CEP162: variants seen among roughly 807,000 people sequenced by gnomAD.
The protein encoded by CEP162 is centrosomal protein 162.
In CEP162, 141 loss-of-function variants were observed where a neutral mutation model predicts 169.2. That is an observed-to-expected ratio of 0.83 (90% CI 0.73 to 0.96). The LOEUF (loss-of-function observed/expected upper bound fraction) is 0.96, where lower values mean the gene tolerates loss of function less well. CEP162 is among the 40% of genes least tolerant of loss of function. The pLI is 0.00. For synonymous variants in CEP162, 540 were observed against 526.4 expected (o/e 1.03, Z -0.35); for missense variants, 1,600 against 1,587.2 (o/e 1.01, Z -0.14).
chr6:84,174,926 T>G lies in CEP162; in HGVS notation c.1826A>C (p.Lys609Thr). 1 of 1,607,640 alleles carries G rather than the reference T, an allele frequency of 6.2e-7. No homozygotes were observed. Among genetic ancestry groups the G allele is most frequent in the Non-Finnish European group, 8.5e-7 (1 of 1,176,890 alleles). Residue 609 changes from lysine to threonine, a missense_variant, in exon 15 of 27, where the codon AAG (lysine) becomes ACG (threonine). By Grantham distance (78) the Lys-to-Thr change is moderately conservative. Transcript: ENST00000403245. ...TDSLGYCGEN[K>T]EKKLLMFKRV... ...TTTAAACATAAGTAATTTCTTCTCCTTGTTCTCACCACAGTATCCTAAGGA... is the reference window on the plus strand; with the variant it reads ...TTTAAACATAAGTAATTTCTTCTCCGTGTTCTCACCACAGTATCCTAAGGA...
intron 6 of CEP162, among the ~76,000 whole-genome samples, chr6:84,207,442 T>TCA (rs1278342728): frequency 6.6e-6 from 1 of 152,044 alleles, no homozygotes; most frequent in Admixed American, 6.6e-5. Context: ...CTAGAAACCA[T>TCA]CATTCTGAGC....
intron 3 of CEP162, chr6:84,217,798 C>T (rs1295146905): frequency 2.0e-5 from 3 of 152,098 alleles, no homozygotes; most frequent in Admixed American, 2.0e-4. Context: ...TGGAGACTCA[C>T]AGTGAAACAG....
chr6:84,202,958 G>A (rs558312770), intron 7 of CEP162, among the ~76,000 whole-genome samples: 1 of 152,208 alleles, frequency 6.6e-6, no homozygotes, highest in African/African-American at 2.4e-5. Flanking sequence ...CCTGAAAAGT[G>A]TTTCTTTTGA....
chr6:84,163,245 T>C lies in CEP162; in HGVS notation c.2411A>G (p.Asp804Gly), dbSNP rs1487941981. 1 of 1,609,554 alleles carries C rather than the reference T, an allele frequency of 6.2e-7. No individual in the cohort carries two copies. Among genetic ancestry groups the C allele is most frequent in the South Asian group, 1.1e-5 (1 of 90,794 alleles). The change falls in exon 19 of 27, where the codon GAC becomes GGC. Residue 804 changes from aspartate to glycine, a missense_variant. By Grantham distance (94) the Asp-to-Gly change is moderately conservative (BLOSUM62 -1). Transcript: ENST00000403245. The part of the protein sequence containing the change: ...AQKEKDSLLE[D>G]IKRLKQDKQA... ...TTTGTCTTGTTTCAGTCTTTTGATGTCTTCCAATAAACTGTCTTTTTCTTT... is the reference window on the plus strand; with the variant it reads ...TTTGTCTTGTTTCAGTCTTTTGATGCCTTCCAATAAACTGTCTTTTTCTTT...
intron 16 of CEP162, among the ~76,000 whole-genome samples, chr6:84,173,294 A>C (rs914152279): frequency 2.0e-5 from 3 of 152,300 alleles, no homozygotes; most frequent in Non-Finnish European, 4.4e-5. Flanking sequence ...AAAAGTAAGT[A>C]AAAAATGTCC....
At chr6:84,180,997 T>G (rs573642918) in intron 13 of CEP162, among the ~76,000 whole-genome samples, 43 of 152,174 alleles carry the variant, frequency 2.8e-4, no homozygotes, top group Admixed American at 2.7e-3. Flanking sequence ...AAAAACTACT[T>G]TAAAGTTCAT....
chr6:84,205,858 CA>C (rs2099546710), intron 6 of CEP162, among the ~76,000 whole-genome samples: 1 of 150,454 alleles, frequency 6.6e-6, no homozygotes, highest in Non-Finnish European at 1.5e-5. Flanking sequence ...AGCTGATAAG[CA>C]ACTTCAGCAA....
At chr6:84,206,298 C>T (rs1442817135) in intron 6 of CEP162, among the ~76,000 whole-genome samples, 1 of 150,092 alleles carries the variant, frequency 6.7e-6, no homozygotes, top group Non-Finnish European at 1.5e-5. Context: ...CTGGAGGCAT[C>T]ATGCTACCTG....
chr6:84,147,561 A>G (rs936147739), intron 24 of CEP162, among the ~76,000 whole-genome samples: 18 of 152,178 alleles, frequency 1.2e-4, no homozygotes, highest in African/African-American at 3.9e-4. Context: ...CTTGATTATT[A>G]CACATTCTTT....
At position 84,186,320 on chromosome 6, in the gene CEP162, AT is replaced by A; in HGVS notation, c.1401+11del. On this transcript the variant is annotated intron_variant, in intron 12 of 26. Transcript: ENST00000403245. ...CTCAATCTCTCAAATCAATTTGATG[AT>A]AAATACTTACTTTATTAATTTTGTC... 7.5e-7 allele frequency: 1 copy of A among 1,330,248 alleles called. No individual in the cohort carries two copies. Among genetic ancestry groups the A allele is most frequent in the Non-Finnish European group, 1.1e-6 (1 of 928,658 alleles). The allele number at this position is 1,330,248 out of a possible 1,614,324, so 82.4% of individuals were successfully genotyped here. A position where few individuals can be genotyped will look rare whatever the true frequency, so the allele number is the denominator to read the frequency against.
chr6:84,182,102 T>C (rs1222569139), intron 13 of CEP162, among the ~76,000 whole-genome samples: 1 of 152,022 alleles, frequency 6.6e-6, no homozygotes, highest in African/African-American at 2.4e-5. Flanking sequence ...TAAAGTGTAA[T>C]CTCATTCTTA....
chr6:84,224,210 AG>A (rs1478822534), intron 2 of CEP162, among the ~76,000 whole-genome samples: 1 of 152,262 alleles, frequency 6.6e-6, no homozygotes, highest in Non-Finnish European at 1.5e-5. Flanking sequence ...ATCCATAAAA[AG>A]AAATGAAGTG....
chr6:84,131,773 G>A (rs2099511584), intron 25 of CEP162, among the ~76,000 whole-genome samples: 1 of 152,108 alleles, frequency 6.6e-6, no homozygotes, highest in Non-Finnish European at 1.5e-5. Context: ...ACAGCACACT[G>A]ATGGGTTTTG....
At chr6:84,145,034 C>T (rs2099518220) in intron 25 of CEP162, among the ~76,000 whole-genome samples, 1 of 152,082 alleles carries the variant, frequency 6.6e-6, no homozygotes, top group South Asian at 2.1e-4. Context: ...TGTCATATTT[C>T]AGAATGTGCA....
intron 25 of CEP162, among the ~76,000 whole-genome samples, chr6:84,144,005 C>CT (rs1480214317): frequency 6.6e-5 from 10 of 151,878 alleles, no homozygotes; most frequent in Non-Finnish European, 1.5e-4. Flanking sequence ...CTTTGGATAA[C>CT]TAAGTATTGT....
At chr6:84,167,594 G>A (rs2099528318) in intron 18 of CEP162, among the ~76,000 whole-genome samples, 1 of 152,114 alleles carries the variant, frequency 6.6e-6, no homozygotes, top group Non-Finnish European at 1.5e-5. Flanking sequence ...TTGGGTTCAA[G>A]GGTGTATACT....
Position 84,156,773 on chromosome 6 carries a change from A to AC in CEP162, c.2782-1264_2782-1263insG, listed in dbSNP as rs57139625. On this transcript the variant is annotated intron_variant, in intron 21 of 26. Coordinates refer to ENST00000403245, the MANE Select transcript of CEP162 (RefSeq NM_014895.4). Reference sequence around the variant, plus strand: ...ACACACACACACACACACACACACAAACACACTATTCATCCATAGAAGAGA... The same window carrying AC: ...ACACACACACACACACACACACACAACACACACTATTCATCCATAGAAGAGA... Among the ~76,000 whole-genome samples the AC allele has an allele frequency of 8.9e-3, 1,220 of 137,412 alleles. 3 individuals are homozygous for AC. Among genetic ancestry groups the AC allele is most frequent in the South Asian group, 0.016 (71 of 4,332 alleles). 90.1% of individuals were successfully genotyped at this position (137,412 alleles called of 152,430 possible).
At chr6:84,178,309 T>C (rs1183917727) in intron 13 of CEP162, among the ~76,000 whole-genome samples, 5 of 152,162 alleles carry the variant, frequency 3.3e-5, no homozygotes, top group African/African-American at 1.2e-4. Flanking sequence ...ACGGACATAT[T>C]TGCAGTTGAA....
chr6:84,227,409 C>T (rs2099556169), intron 1 of CEP162, among the ~76,000 whole-genome samples, 171 bp downstream of exon 1: 1 of 152,184 alleles, frequency 6.6e-6, no homozygotes, highest in Admixed American at 6.5e-5. Context: ...CGACCCCGTC[C>T]CCAGAAGCGC....
Sources: gnomAD v4.1 joint callset for allele counts (sites outside exome capture counted in the v4.1 genomes callset) on GRCh38, gnomAD v4.1.1 for gene constraint, MANE v1.5 for transcripts, NCBI Gene and HGNC (gene_info 2026-07-23, HGNC 2026-07-21) for gene names.